ALDH3B2: variants seen among roughly 807,000 people sequenced by gnomAD.
The protein encoded by ALDH3B2 is aldehyde dehydrogenase family 3 member B2.
A neutral mutation model predicts 36.7 loss-of-function variants in ALDH3B2; 45 were observed. The observed-to-expected ratio is 1.23, with a 90% CI of 0.97 to 1.57. The LOEUF is 1.57. Ranked by LOEUF, ALDH3B2 falls within the 40% of genes most tolerant of loss-of-function variation. The probability of loss-of-function intolerance (pLI) is 0.00; values close to 1 mark genes in which losing one functional copy is unlikely to be tolerated. For synonymous variants in ALDH3B2, 217 were observed against 226.5 expected (o/e 0.96, Z 0.38); for missense variants, 464 against 513.3 (o/e 0.90, Z 0.93).
At chr11:67,678,457 A>G (rs780045045), upstream of ALDH3B2, among the ~76,000 whole-genome samples, 1 of 152,196 alleles carries the variant, frequency 6.6e-6, no homozygotes, top group East Asian at 1.9e-4. Flanking sequence ...CTCACCTTAC[A>G]CAAAAATCAA....
chr11:67,666,133 A>T (rs752065838), exon 6 of ALDH3B2: 3 of 1,613,744 alleles, frequency 1.9e-6, no homozygotes, highest in South Asian at 1.1e-5. Context: ...TGTGAAGAAG[A>T]TGTAGTCCAA....
In ALDH3B2 at chr11:67,666,667, A is replaced by G. The variant is rs1855927790; in HGVS notation, c.58T>C (p.Trp20Arg). Residue 20 changes from tryptophan to arginine, a missense_variant, in exon 4 of 10, where the codon TGG becomes CGG. Physicochemically the swap from Trp to Arg is moderately radical, Grantham distance 101. Coordinates refer to ENST00000349015, the Ensembl canonical transcript of ALDH3B2. ...AGGACCAGGCCAAAGGGTTCCTTCC[A>G]GATGAAGACCGAGTCCAGCTTCATG... 1.4e-5 allele frequency: 23 copies of G among 1,614,168 alleles called. No individual in the cohort carries two copies. In the East Asian group the frequency reaches 4.9e-4, roughly 34 times the overall value.
At chr11:67,671,704 G>A (rs997339092) in intron 1 of ALDH3B2, among the ~76,000 whole-genome samples, 5 of 151,506 alleles carry the variant, frequency 3.3e-5, no homozygotes, top group African/African-American at 7.3e-5. Context: ...GCACCACCAC[G>A]CCCAAATAAT....
At position 67,666,967 on chromosome 11, in the gene ALDH3B2, A is replaced by T. The variant is rs1855939787; in HGVS notation, c.-32T>A. On this transcript the variant is annotated 5_prime_UTR_variant, in exon 3 of 10. It adds an upstream start codon to the 5' untranslated region. Coordinates refer to ENST00000349015, the Ensembl canonical transcript of ALDH3B2. Reference sequence around the variant, plus strand: ...CTGCAGGTTCTTGAGAGCGTAGTCAACCTCGTTCTGGCAAAGGATGAGCTC... The same window carrying T: ...CTGCAGGTTCTTGAGAGCGTAGTCATCCTCGTTCTGGCAAAGGATGAGCTC... 1.2e-6 allele frequency: 2 copies of T among 1,613,756 alleles called. No homozygotes were observed. The highest frequency in any genetic ancestry group is 2.7e-5 in the African/African-American group (2 of 74,922).
intron 8 of ALDH3B2, 188 bp downstream of exon 8, chr11:67,664,208 G>A: frequency 1.1e-6 from 1 of 874,710 alleles, no homozygotes; most frequent in South Asian, 1.7e-5. Context: ...AGTGTCTGGT[G>A]GGTTTGGACC....
intron 8 of ALDH3B2, 51 bp from the exon 9 acceptor site, chr11:67,663,812 CT>C (rs1855820751): frequency 6.6e-7 from 1 of 1,514,166 alleles, no homozygotes. Flanking sequence ...GAGAAGAGGG[CT>C]TGAGCCCCGC....
chr11:67,678,707 CTATA>C (rs36154763), upstream of ALDH3B2, among the ~76,000 whole-genome samples: 3 of 145,526 alleles, frequency 2.1e-5, no homozygotes, highest in Non-Finnish European at 4.5e-5. Context: ...ACTATGGTGT[CTATA>C]TATATATATA....
upstream of ALDH3B2, among the ~76,000 whole-genome samples, chr11:67,679,387 C>T (rs765320962): frequency 6.6e-6 from 1 of 151,794 alleles, no homozygotes; most frequent in Non-Finnish European, 1.5e-5. Context: ...AGGAGAATTA[C>T]TTAAATCTGG....
upstream of ALDH3B2, among the ~76,000 whole-genome samples, chr11:67,678,707 C>CTATA (rs36154763): frequency 0.038 from 5,545 of 145,406 alleles, 125 homozygotes; most frequent in Non-Finnish European, 0.044. Context: ...ACTATGGTGT[C>CTATA]TATATATATA....
intron 1 of ALDH3B2, among the ~76,000 whole-genome samples, chr11:67,671,558 T>TA (rs1856114887): frequency 1.3e-5 from 2 of 151,322 alleles, no homozygotes. Context: ...CTTTTTTTTT[T>TA]TTTTTGGAAC....
upstream of ALDH3B2, among the ~76,000 whole-genome samples, chr11:67,677,247 A>T (rs1014966143): frequency 6.6e-6 from 1 of 152,056 alleles, no homozygotes; most frequent in African/African-American, 2.4e-5. Flanking sequence ...TCAAAAAGAT[A>T]ATCCTCCATG....
chr11:67,666,230 G>T, intron 5 of ALDH3B2, 27 bp from the exon 6 acceptor site: 5 of 1,499,236 alleles, frequency 3.3e-6, no homozygotes, highest in Non-Finnish European at 4.4e-6. Flanking sequence ...GAGGCTCGGG[G>T]CGGGCTCGGG....
At chr11:67,672,042 C>CATATATATATATATAT (rs57997475) in intron 1 of ALDH3B2, among the ~76,000 whole-genome samples, 4 of 49,494 alleles carry the variant, frequency 8.1e-5, no homozygotes, top group African/African-American at 4.1e-4. Context: ...CGATGTACTT[C>CATATATATATATATAT]ATATATATAT....
chr11:67,673,477 G>GT (rs566343993), intron 1 of ALDH3B2, among the ~76,000 whole-genome samples: 262 of 152,348 alleles, frequency 1.7e-3, no homozygotes, highest in African/African-American at 5.9e-3. Flanking sequence ...CGGGGAAGCC[G>GT]TAGGGGAGGG....
rs1341239435 is a variant in ALDH3B2, at chr11:67,663,468, C to A, written c.974-69G>T. The A allele has an allele frequency of 6.5e-6, 10 of 1,544,208 alleles. No homozygotes were observed. In the East Asian group the frequency reaches 2.1e-4, roughly 33 times the overall value. ...TGGAGCCCCAGCAGCAGCCCACTGC[C>A]CCGGCCAGGGCACACAGCTGGCAGG... On this transcript the variant is annotated intron_variant, in intron 9 of 9. Transcript: ENST00000349015.
At chr11:67,668,907 G>C (rs1027518460) in intron 1 of ALDH3B2, among the ~76,000 whole-genome samples, 2 of 149,650 alleles carry the variant, frequency 1.3e-5, no homozygotes, top group Non-Finnish European at 3.0e-5. Context: ...TATGGGTGCT[G>C]TGTGTCTGTA....
intron 1 of ALDH3B2, among the ~76,000 whole-genome samples, chr11:67,680,550 G>A (rs1234685662): frequency 1.3e-5 from 2 of 152,018 alleles, no homozygotes; most frequent in Non-Finnish European, 2.9e-5. Context: ...CTGAGTAGCT[G>A]GGACTACAGG....
At chr11:67,673,005 A>T (rs1409096656) in intron 1 of ALDH3B2, among the ~76,000 whole-genome samples, 1 of 145,440 alleles carries the variant, frequency 6.9e-6, no homozygotes, top group Non-Finnish European at 1.5e-5. Flanking sequence ...ATCTCAGCTC[A>T]CTGCAAACTC....
rs111211051 is a variant in ALDH3B2 at position 67,670,109 on chromosome 11, T to C, written c.-244-2474A>G. On this transcript the variant is annotated intron_variant, in intron 1 of 9. Coordinates refer to ENST00000349015, the Ensembl canonical transcript of ALDH3B2. ...CTGTGTGTGTATGGGTGTCTGTGTGTGTATGGGTGTCTGTGTGTGTGTATG... is the reference window on the plus strand; with the variant it reads ...CTGTGTGTGTATGGGTGTCTGTGTGCGTATGGGTGTCTGTGTGTGTGTATG... 4.0e-4 allele frequency among the ~76,000 whole-genome samples: 26 copies of C among 64,422 alleles called. 2 individuals are homozygous for C. The highest frequency in any genetic ancestry group is 1.3e-3 in the African/African-American group (24 of 18,494). The allele number at this position is 64,422 out of a possible 152,430, so 42.3% of individuals were successfully genotyped here. A position where few individuals can be genotyped will look rare whatever the true frequency, so the allele number is the denominator to read the frequency against.
Sources: allele counts gnomAD v4.1 joint callset (sites outside exome capture counted in the v4.1 genomes callset), GRCh38; gene constraint gnomAD v4.1.1; transcripts MANE v1.5; gene names NCBI Gene and HGNC (gene_info 2026-07-23, HGNC 2026-07-21).